DNAH17: variants seen among roughly 807,000 people sequenced by gnomAD.
DNAH17 encodes the protein dynein axonemal heavy chain 17, also known as axonemal beta dynein heavy chain 17.
DNAH17 carries 376 observed loss-of-function variants against 485.6 expected under a neutral mutation model. The ratio of observed to expected loss-of-function variants is 0.77; its 90% CI spans 0.71 to 0.84. The LOEUF (loss-of-function observed/expected upper bound fraction) is 0.84. Ranked by LOEUF, DNAH17 falls within the 40% of genes least tolerant of loss-of-function variation. The probability of loss-of-function intolerance (pLI) is 0.00; values close to 1 mark genes in which losing one functional copy is unlikely to be tolerated. For synonymous variants in DNAH17, 3,031 were observed against 2,405.9 expected (o/e 1.26, Z -7.60); for missense variants, 6,370 against 5,839.3 (o/e 1.09, Z -2.96).
chr17:78,549,833 C>G (rs1256017285), intron 16 of DNAH17, among the ~76,000 whole-genome samples: 1 of 152,204 alleles, frequency 6.6e-6, no homozygotes, highest in Non-Finnish European at 1.5e-5. Context: ...GCAGCCAACC[C>G]TCTGAGACCC....
chr17:78,516,219 TCTTGG>T, intron 25 of DNAH17, among the ~76,000 whole-genome samples: 1 of 152,356 alleles, frequency 6.6e-6, no homozygotes, highest in African/African-American at 2.4e-5. Flanking sequence ...TCATAAAATG[TCTTGG>T]CTAGTGTGTT....
At chr17:78,551,701 A>C in intron 15 of DNAH17, 63 bp from the exon 16 acceptor site, 2 of 1,531,710 alleles carry the variant, frequency 1.3e-6, no homozygotes, top group Non-Finnish European at 1.8e-6. Flanking sequence ...CGGTGGCTCA[A>C]GCTTGTAATC....
Position 78,486,243 on chromosome 17 carries a change from C to T in DNAH17, c.7082G>A (p.Gly2361Asp), listed in dbSNP as rs1188790087. 6.3e-7 allele frequency: 1 copy of T among 1,590,282 alleles called. No individual in the cohort carries two copies. The highest frequency in any genetic ancestry group is 2.2e-5 in the East Asian group (1 of 44,570). The change falls in exon 45 of 81, where the codon GGC (glycine) becomes GAC (aspartate). Residue 2361 changes from glycine to aspartate, a missense_variant. By Grantham distance (94) the Gly-to-Asp change is moderately conservative. Coordinates refer to ENST00000389840, the MANE Select transcript of DNAH17 (RefSeq NM_173628.4). ...FVFTCFWAFGGAMFQDQLVDY... is the reference protein window; with the variant it reads ...FVFTCFWAFGDAMFQDQLVDY... Reference sequence around the variant, plus strand: ...CATCACCTGGTCCTGGAACATGGCGCCACCGAAGGCCCAGAAGCAGGTGAA... The same window carrying T: ...CATCACCTGGTCCTGGAACATGGCGTCACCGAAGGCCCAGAAGCAGGTGAA...
At chr17:78,458,474 C>T (rs1447416096) in intron 62 of DNAH17, 91 bp downstream of exon 62, 2 of 1,107,330 alleles carry the variant, frequency 1.8e-6, no homozygotes, top group African/African-American at 3.2e-5. Context: ...TCCACCTGGG[C>T]TCCCTCCTCT....
intron 75 of DNAH17, among the ~76,000 whole-genome samples, chr17:78,432,247 C>A (rs2086702259): frequency 6.6e-6 from 1 of 152,054 alleles, no homozygotes; most frequent in Non-Finnish European, 1.5e-5. Flanking sequence ...CAGACTGTTT[C>A]TCCCAAACTA....
rs532434866 is a variant in DNAH17 at position 78,458,055 on chromosome 17, C to T, written c.9977+510G>A. Among the ~76,000 whole-genome samples, 8 of 151,816 alleles carry T rather than the reference C, an allele frequency of 5.3e-5. No homozygotes were observed. The South Asian group carries it at 1.2e-3, about 24-fold the overall frequency. On this transcript the variant is annotated intron_variant, in intron 62 of 80. Transcript: ENST00000389840. The stretch of plus-strand genomic sequence containing the variant: ...CTGACCTCCAGTGATCCGCCTGCCT[C>T]GGCCTCCCAAACTGCTGGGATTACA...
intron 42 of DNAH17, among the ~76,000 whole-genome samples, chr17:78,491,869 G>A (rs181475987): frequency 3.5e-4 from 53 of 152,308 alleles, no homozygotes; most frequent in Non-Finnish European, 5.0e-4. Context: ...ACATCCCACG[G>A]GGCGCAGCAC....
At chr17:78,477,972 C>CCATCAT (rs779113099) in intron 51 of DNAH17, among the ~76,000 whole-genome samples, 1 of 138,292 alleles carries the variant, frequency 7.2e-6, no homozygotes, top group African/African-American at 3.2e-5. Context: ...ATCACCACCA[C>CCATCAT]CATCATCATC....
chr17:78,484,544 A>G (rs1021777861), intron 48 of DNAH17, among the ~76,000 whole-genome samples: 3 of 147,184 alleles, frequency 2.0e-5, no homozygotes, highest in African/African-American at 7.5e-5. Flanking sequence ...CCGGCGGGAC[A>G]GACACCTCGG....
chr17:78,500,229 C>T (rs760325439), intron 36 of DNAH17, 76 bp downstream of exon 36: 110 of 1,465,784 alleles, frequency 7.5e-5, no homozygotes, highest in Non-Finnish European at 9.8e-5. Flanking sequence ...ACTGTGGGGC[C>T]TCGGAGGACA....
chr17:78,448,065 G>A (rs186112750), intron 69 of DNAH17, among the ~76,000 whole-genome samples: 29 of 151,870 alleles, frequency 1.9e-4, no homozygotes, highest in East Asian at 1.6e-3. Flanking sequence ...CCAGCTACTC[G>A]GAAGACTGAG....
intron 14 of DNAH17, among the ~76,000 whole-genome samples, chr17:78,557,078 CTG>C (rs1465604533): frequency 3.9e-5 from 6 of 152,270 alleles, no homozygotes; most frequent in African/African-American, 1.4e-4. Context: ...CTCTTGATTA[CTG>C]CGTCAGGTCC....
At chr17:78,478,138 CACATCACCATCATCACCATTACCACCATA>C (rs1336614486) in intron 51 of DNAH17, among the ~76,000 whole-genome samples, 25 of 149,184 alleles carry the variant, frequency 1.7e-4, no homozygotes, top group African/African-American at 5.0e-4. Context: ...GTGGCATCAT[CACATCACCATCATCACCATTACCACCATA>C]ACATCACCAT....
At chr17:78,525,292 A>C in intron 24 of DNAH17, 131 bp from the exon 25 acceptor site, 1 of 1,328,350 alleles carries the variant, frequency 7.5e-7, no homozygotes, top group Non-Finnish European at 1.0e-6. Flanking sequence ...TGTCCATACA[A>C]CGGTGTCCCA....
intron 41 of DNAH17, among the ~76,000 whole-genome samples, chr17:78,493,691 G>A (rs976084314): frequency 6.6e-6 from 1 of 152,224 alleles, no homozygotes; most frequent in Non-Finnish European, 1.5e-5. Flanking sequence ...CCCTCCACAT[G>A]TCACCACTCC....
At chr17:78,511,749 G>T (rs918029669) in intron 26 of DNAH17, among the ~76,000 whole-genome samples, 1 of 152,206 alleles carries the variant, frequency 6.6e-6, no homozygotes, top group Non-Finnish European at 1.5e-5. Flanking sequence ...TCACATTTGG[G>T]GACATATGTG....
intron 71 of DNAH17, among the ~76,000 whole-genome samples, chr17:78,443,084 G>A (rs550889768): frequency 3.9e-5 from 6 of 152,304 alleles, no homozygotes; most frequent in South Asian, 2.1e-4. Context: ...CAAGGCCACC[G>A]CAGAGCACGC....
intron 75 of DNAH17, among the ~76,000 whole-genome samples, chr17:78,431,946 C>T (rs1568042099): frequency 6.6e-6 from 1 of 151,958 alleles, no homozygotes; most frequent in Non-Finnish European, 1.5e-5. Context: ...CCGAGGTGGG[C>T]GGATGACTTG....
In DNAH17 at chr17:78,484,910, G is replaced by T. The variant is rs373479658; in HGVS notation, c.7607C>A (p.Ala2536Asp). 1.3e-6 allele frequency: 2 copies of T among 1,594,486 alleles called. No individual in the cohort carries two copies. The highest frequency in any genetic ancestry group is 4.6e-5 in the East Asian group (2 of 43,942). The change falls in exon 48 of 81, where the codon GCC becomes GAC. Residue 2536 changes from alanine (A) to aspartate (D), a missense_variant. Coordinates refer to ENST00000389840, the MANE Select transcript of DNAH17 (RefSeq NM_173628.4). ...GTGCTGCCGGATGAGGGTGTGCGGGGCCACCGTCCCATACTTGTCCACCTC... is the reference window on the plus strand; with the variant it reads ...GTGCTGCCGGATGAGGGTGTGCGGGTCCACCGTCCCATACTTGTCCACCTC... ...MPEVDKYGTV[A>D]PHTLIRQHMD...
Sources: allele counts gnomAD v4.1 joint callset (sites outside exome capture counted in the v4.1 genomes callset), GRCh38; gene constraint gnomAD v4.1.1; transcripts MANE v1.5; gene names NCBI Gene and HGNC (gene_info 2026-07-23, HGNC 2026-07-21).